Variants in RBFOX1 observed in about 807,000 individuals in gnomAD.
RBFOX1 encodes RNA binding protein fox-1 homolog 1.
RBFOX1 carries 8 observed loss-of-function variants against 57.7 expected under a neutral mutation model. The ratio of observed to expected loss-of-function variants is 0.14; its 90% CI spans 0.08 to 0.25. RBFOX1 has a LOEUF of 0.25. RBFOX1 is among the 10% of genes least tolerant of loss of function. The probability of loss-of-function intolerance (pLI) is 1.00; values close to 1 mark genes in which losing one functional copy is unlikely to be tolerated. For synonymous variants in RBFOX1, 326 were observed against 222.4 expected, an observed-to-expected ratio of 1.47 and a Z score of -4.15; for missense variants, 611 against 548.5, an observed-to-expected ratio of 1.11 and a Z score of -1.14.
chr16:5,914,977 C>G (rs1350710669), intron 4 of RBFOX1, among the ~76,000 whole-genome samples: 6 of 152,162 alleles, frequency 3.9e-5, no homozygotes, highest in African/African-American at 1.4e-4. Context: ...CTTTTTATCA[C>G]CTACTATTGT....
At chr16:7,352,125 C>A (rs569515336) in intron 4 of RBFOX1, among the ~76,000 whole-genome samples, 152 of 152,254 alleles carry the variant, frequency 1.0e-3, no homozygotes, top group Non-Finnish European at 1.5e-3. Context: ...TCAAAGCACC[C>A]CACGGCAGAA....
chr16:6,938,472 T>C (rs2077744040), intron 3 of RBFOX1, among the ~76,000 whole-genome samples: 1 of 152,222 alleles, frequency 6.6e-6, no homozygotes, highest in African/African-American at 2.4e-5. Flanking sequence ...TTTTCTTGTC[T>C]GAGAAATTTC....
rs769526087 is a variant in RBFOX1, at chr16:5,424,979, T to TTTCTTTCTTTCTTTCTTTCTTTC, written c.220-42235_220-42234insCTTTCTTTCTTTCTTTCTTTCTT. ...TTGTTTCTTTCTCTTTCTTTCTTTC[T>TTTCTTTCTTTCTTTCTTTCTTTC]TTTCTTTTCTTTTCTTTTCTTTTCT... On this transcript the variant is annotated intron_variant, in intron 1 of 2. Transcript: ENST00000585867. Among the ~76,000 whole-genome samples the TTTCTTTCTTTCTTTCTTTCTTTC allele has an allele frequency of 1.5e-4, 9 of 61,848 alleles. 1 individual carries two copies. The highest frequency in any genetic ancestry group is 7.8e-4 in the African/African-American group (8 of 10,322). 40.6% of individuals were successfully genotyped at this position (61,848 alleles called of 152,430 possible). A position where few individuals can be genotyped will look rare whatever the true frequency, so the allele number is the denominator to read the frequency against.
chr16:6,548,112 C>T (rs183046959), intron 2 of RBFOX1, among the ~76,000 whole-genome samples: 2 of 152,212 alleles, frequency 1.3e-5, no homozygotes, highest in East Asian at 1.9e-4. Flanking sequence ...ATTTCACATA[C>T]TGAAGGCTGG....
At chr16:7,573,167 C>T (rs915175329) in intron 5 of RBFOX1, among the ~76,000 whole-genome samples, 2 of 152,148 alleles carry the variant, frequency 1.3e-5, no homozygotes, top group Admixed American at 6.5e-5. Flanking sequence ...GGCAAGAGGG[C>T]AAGCTACAGG....
chr16:5,715,292 T>C (rs2051651995), intron 3 of RBFOX1, among the ~76,000 whole-genome samples: 1 of 152,220 alleles, frequency 6.6e-6, no homozygotes, highest in African/African-American at 2.4e-5. Context: ...ATGATTAAAC[T>C]GTAAATTGTG....
chr16:6,856,091 C>T (rs565173176), intron 3 of RBFOX1, among the ~76,000 whole-genome samples: 2 of 150,592 alleles, frequency 1.3e-5, no homozygotes, highest in South Asian at 4.2e-4. Flanking sequence ...AAATGAAGAC[C>T]CTTCCCTTCC....
intron 1 of RBFOX1, among the ~76,000 whole-genome samples, chr16:6,039,950 C>T (rs2095418356): frequency 6.6e-6 from 1 of 152,158 alleles, no homozygotes; most frequent in Admixed American, 6.5e-5. Context: ...CAATTCCCTG[C>T]CACATGTGCC....
Position 5,973,543 on chromosome 16 carries a change from T to C in RBFOX1, c.351+106208T>C, listed in dbSNP as rs181988409. 3.6e-3 allele frequency among the ~76,000 whole-genome samples: 548 copies of C among 152,290 alleles called. 2 individuals carry two copies. The highest frequency in any genetic ancestry group is 0.022 in the South Asian group (106 of 4,828). On this transcript the variant is annotated intron_variant, in intron 4 of 19. Coordinates refer to the RBFOX1 transcript ENST00000641259. Reference sequence around the variant, plus strand: ...GCAGGATATGAAGGACCAGTCTCGATTTATTACTTTTGTTATTGTTAGGTT... The same window carrying C: ...GCAGGATATGAAGGACCAGTCTCGACTTATTACTTTTGTTATTGTTAGGTT...
rs117965426 is a variant in RBFOX1, at chr16:5,331,767, G to C, written c.219+91662G>C. 1.9e-3 allele frequency among the ~76,000 whole-genome samples: 294 copies of C among 152,384 alleles called. 2 individuals carry two copies. Among genetic ancestry groups the C allele is most frequent in the Non-Finnish European group, 2.1e-3 (146 of 68,038 alleles). On this transcript the variant is annotated intron_variant, in intron 1 of 2. Coordinates refer to the RBFOX1 transcript ENST00000585867. ...TCCCCATGGGCTCTCAGCAGCTCAG[G>C]TGATAGCCTTGTAGAAGTCACTGAT...
chr16:7,156,986 C>G (rs1188844534), intron 4 of RBFOX1, among the ~76,000 whole-genome samples: 1 of 152,174 alleles, frequency 6.6e-6, no homozygotes, highest in African/African-American at 2.4e-5. Flanking sequence ...TCCCTTATAA[C>G]AAACATACAT....
At chr16:7,128,466 C>T (rs906375730) in intron 4 of RBFOX1, among the ~76,000 whole-genome samples, 3 of 152,142 alleles carry the variant, frequency 2.0e-5, no homozygotes, top group South Asian at 2.1e-4. Context: ...GTGACATCAG[C>T]GGGGATAGTT....
At chr16:7,281,496 T>C (rs2095542754) in intron 4 of RBFOX1, among the ~76,000 whole-genome samples, 1 of 152,072 alleles carries the variant, frequency 6.6e-6, no homozygotes, top group African/African-American at 2.4e-5. Context: ...AAGTTTGTAG[T>C]GAAAAAGGAT....
At chr16:5,997,851 CT>C (rs138278495) in intron 4 of RBFOX1, among the ~76,000 whole-genome samples, 9,173 of 151,462 alleles carry the variant, frequency 0.061, 508 homozygotes, top group East Asian at 0.28. Flanking sequence ...GTTTACTTTA[CT>C]TTTTTTTTAT....
At chr16:7,564,793 A>T (rs986189646) in intron 5 of RBFOX1, among the ~76,000 whole-genome samples, 2 of 112,682 alleles carry the variant, frequency 1.8e-5, no homozygotes, top group Non-Finnish European at 4.0e-5. Context: ...TTGTACATTC[A>T]TCCTATTTTT....
chr16:7,674,448 G>C (rs1233418332), intron 13 of RBFOX1, among the ~76,000 whole-genome samples: 1 of 152,170 alleles, frequency 6.6e-6, no homozygotes, highest in East Asian at 1.9e-4. Flanking sequence ...TCATCTCCAA[G>C]TGGTCTACTG....
chr16:6,424,238 A>G (rs1022142789), intron 2 of RBFOX1, among the ~76,000 whole-genome samples: 5 of 152,188 alleles, frequency 3.3e-5, no homozygotes, highest in Non-Finnish European at 7.3e-5. Flanking sequence ...GACTTGTTTC[A>G]AAACGAAACA....
At chr16:7,513,221 C>G (rs568549812) in intron 4 of RBFOX1, among the ~76,000 whole-genome samples, 1 of 151,904 alleles carries the variant, frequency 6.6e-6, no homozygotes, top group Non-Finnish European at 1.5e-5. Flanking sequence ...CGAGAGCCTA[C>G]CATTGCACTC....
chr16:6,967,797 C>T (rs1188627569), intron 3 of RBFOX1, among the ~76,000 whole-genome samples: 1 of 152,154 alleles, frequency 6.6e-6, no homozygotes, highest in East Asian at 1.9e-4. Flanking sequence ...AGCAGGTGAC[C>T]AAGCCCTGAA....
Sources: allele counts gnomAD v4.1 joint callset (sites outside exome capture counted in the v4.1 genomes callset), GRCh38; gene constraint gnomAD v4.1.1; transcripts MANE v1.5; gene names NCBI Gene and HGNC (gene_info 2026-07-23, HGNC 2026-07-21).